CHIC2: variants seen among roughly 807,000 people sequenced by gnomAD.
CHIC2 encodes the protein cysteine rich hydrophobic domain 2.
CHIC2 carries 14 observed loss-of-function variants against 25.9 expected under a neutral mutation model. That is an observed-to-expected ratio of 0.54 (90% CI 0.36 to 0.85). CHIC2 has a LOEUF of 0.85. CHIC2 is among the 40% of genes least tolerant of loss of function. The probability of loss-of-function intolerance (pLI) is 0.01; values close to 1 mark genes in which losing one functional copy is unlikely to be tolerated. For synonymous variants in CHIC2, 70 were observed against 72.0 expected, an observed-to-expected ratio of 0.97 and a Z score of 0.14; for missense variants, 146 against 202.0, an observed-to-expected ratio of 0.72 and a Z score of 1.68.
chr4:54,090,028 G>T, the CHIC2 span, among the ~76,000 whole-genome samples: 2 of 152,044 alleles, frequency 1.3e-5, no homozygotes, highest in Non-Finnish European at 2.9e-5. Context: ...AATGAATTTT[G>T]TGTTTAGACT....
the CHIC2 span, among the ~76,000 whole-genome samples, chr4:54,084,696 T>C: frequency 6.6e-5 from 10 of 152,124 alleles, no homozygotes; most frequent in African/African-American, 2.2e-4. Context: ...TCCCAGTACG[T>C]TGGGAGGCCA....
intron 3 of CHIC2, among the ~76,000 whole-genome samples, chr4:54,037,579 G>A (rs1264643365): frequency 1.3e-5 from 2 of 152,066 alleles, no homozygotes; most frequent in African/African-American, 4.8e-5. Context: ...GTAGTTTATT[G>A]TATGTCACTG....
At chr4:54,028,900 A>G (rs1345000253) in intron 3 of CHIC2, among the ~76,000 whole-genome samples, 2 of 152,146 alleles carry the variant, frequency 1.3e-5, no homozygotes, top group Admixed American at 1.3e-4. Flanking sequence ...CGAGGTGGGC[A>G]GATCATGAGG....
chr4:54,024,734 T>C (rs1056724623), intron 3 of CHIC2, among the ~76,000 whole-genome samples: 3 of 152,186 alleles, frequency 2.0e-5, no homozygotes, highest in African/African-American at 7.2e-5. Flanking sequence ...CTGAACCCCC[T>C]TAGGCACTCT....
At chr4:54,053,932 A>C (rs1168367099) in intron 1 of CHIC2, among the ~76,000 whole-genome samples, 1 of 152,104 alleles carries the variant, frequency 6.6e-6, no homozygotes, top group Non-Finnish European at 1.5e-5. Flanking sequence ...CTGGGATTAC[A>C]GGTGCTCGCC....
At chr4:54,068,442 C>G (rs1717559208), upstream of CHIC2, among the ~76,000 whole-genome samples, 2 of 152,172 alleles carry the variant, frequency 1.3e-5, no homozygotes, top group African/African-American at 4.8e-5. Flanking sequence ...TCACCAGAAA[C>G]CAAAGCTACC....
upstream of CHIC2, among the ~76,000 whole-genome samples, chr4:54,065,679 G>A (rs890841237): frequency 6.6e-6 from 1 of 152,176 alleles, no homozygotes; most frequent in African/African-American, 2.4e-5. Flanking sequence ...GAGAGTCCTG[G>A]ACAGTGAGGA....
chr4:54,025,686 C>T (rs900550628), intron 3 of CHIC2, among the ~76,000 whole-genome samples: 2 of 151,628 alleles, frequency 1.3e-5, no homozygotes, highest in Non-Finnish European at 2.9e-5. Context: ...TGGTGAAAAC[C>T]CATGTCTACA....
rs186348413 is a variant in CHIC2 at position 54,027,764 on chromosome 4, A to G, written c.331-13645T>C. Among the ~76,000 whole-genome samples the G allele has an allele frequency of 3.4e-3, 524 of 152,292 alleles. 1 individual carries two copies. The highest frequency in any genetic ancestry group is 0.011 in the African/African-American group (478 of 41,568). On this transcript the variant is annotated intron_variant, in intron 3 of 5. Coordinates refer to ENST00000263921, the MANE Select transcript of CHIC2 (RefSeq NM_012110.4). ...ATGCACTCATTACATGTCATTCTCAATCTCTCTAAAAGTAAATACACAAGT... is the reference window on the plus strand; with the variant it reads ...ATGCACTCATTACATGTCATTCTCAGTCTCTCTAAAAGTAAATACACAAGT...
intron 1 of CHIC2, among the ~76,000 whole-genome samples, chr4:54,058,291 A>G (rs1717233005): frequency 6.6e-6 from 1 of 152,158 alleles, no homozygotes; most frequent in Non-Finnish European, 1.5e-5. Context: ...GTAACCTCTA[A>G]GGTGGATATT....
the CHIC2 span, among the ~76,000 whole-genome samples, chr4:54,080,532 G>A: frequency 6.6e-6 from 1 of 151,948 alleles, no homozygotes; most frequent in African/African-American, 2.4e-5. Context: ...TTGGAAGGCT[G>A]AGGCAGGTGG....
intron 3 of CHIC2, among the ~76,000 whole-genome samples, chr4:54,023,559 G>C (rs539539116): frequency 1.1e-3 from 164 of 152,106 alleles, no homozygotes; most frequent in African/African-American, 3.8e-3. Context: ...TGATCCACTT[G>C]ACATTCACTC....
At chr4:54,085,247 A>G in the CHIC2 span, among the ~76,000 whole-genome samples, 10 of 152,180 alleles carry the variant, frequency 6.6e-5, no homozygotes, top group Non-Finnish European at 1.3e-4. Flanking sequence ...GAATTATATT[A>G]CCTTTTTACC....
the CHIC2 span, among the ~76,000 whole-genome samples, chr4:54,091,452 T>C: frequency 1.8e-4 from 28 of 152,284 alleles, no homozygotes; most frequent in African/African-American, 6.7e-4. Flanking sequence ...ACTCACCCTG[T>C]GCACATCCCC....
At chr4:54,058,876 T>C (rs1249000865) in intron 1 of CHIC2, among the ~76,000 whole-genome samples, 3 of 152,266 alleles carry the variant, frequency 2.0e-5, no homozygotes, top group African/African-American at 4.8e-5. Context: ...ATTAGTATCA[T>C]AATAATTACA....
chr4:54,023,448 C>T (rs536625323), intron 3 of CHIC2, among the ~76,000 whole-genome samples: 12 of 152,186 alleles, frequency 7.9e-5, no homozygotes, highest in Non-Finnish European at 1.3e-4. Flanking sequence ...TATACTCACT[C>T]TTTGGGTCTC....
the CHIC2 span, among the ~76,000 whole-genome samples, chr4:54,090,775 T>C: frequency 6.6e-6 from 1 of 152,090 alleles, no homozygotes; most frequent in African/African-American, 2.4e-5. Flanking sequence ...CCAAACTCAG[T>C]GGTGCAGTGA....
the CHIC2 span, among the ~76,000 whole-genome samples, chr4:54,085,463 C>T: frequency 2.0e-5 from 3 of 152,168 alleles, no homozygotes; most frequent in Non-Finnish European, 4.4e-5. Flanking sequence ...ATCTGATGGA[C>T]TGACAGAGAA....
At chr4:54,029,383 A>T (rs1430207047) in intron 3 of CHIC2, among the ~76,000 whole-genome samples, 1 of 152,172 alleles carries the variant, frequency 6.6e-6, no homozygotes, top group African/African-American at 2.4e-5. Context: ...GAAAGACAAG[A>T]AATATAGGGT....
Sources: allele counts gnomAD v4.1 joint callset (sites outside exome capture counted in the v4.1 genomes callset), GRCh38; gene constraint gnomAD v4.1.1; transcripts MANE v1.5; gene names NCBI Gene and HGNC (gene_info 2026-07-23, HGNC 2026-07-21).